Variants in VWA5B1 observed in about 807,000 individuals in gnomAD.
VWA5B1 encodes von Willebrand factor A domain-containing protein 5B1.
VWA5B1 carries 115 observed loss-of-function variants against 118.2 expected under a neutral mutation model. The ratio of observed to expected loss-of-function variants is 0.97; its 90% confidence interval spans 0.84 to 1.14. The LOEUF (loss-of-function observed/expected upper bound fraction) is 1.14, where lower values mean the gene tolerates loss of function less well. VWA5B1 is among the 50% of genes most tolerant of loss of function. The probability of loss-of-function intolerance (pLI) is 0.00; values close to 1 mark genes in which losing one functional copy is unlikely to be tolerated. For synonymous variants in VWA5B1, 682 were observed against 658.4 expected (o/e 1.04, Z -0.55); for missense variants, 1,596 against 1,603.8 (o/e 1.00, Z 0.08).
Position 20,323,544 on chromosome 1 carries a change from G to C in VWA5B1, c.1143+12G>C, listed in dbSNP as rs966552619. 3 of 1,401,494 alleles carry C rather than the reference G, an allele frequency of 2.1e-6. No individual in the cohort carries two copies. In the African/African-American group the frequency reaches 4.4e-5, roughly 21 times the overall value. The allele number at this position is 1,401,494 out of a possible 1,614,324, so 86.8% of individuals were successfully genotyped here. On this transcript the variant is annotated intron_variant, in intron 8 of 21. Transcript: ENST00000289815. ...TGCACCGAGTCAAGGTACCTGCTGA[G>C]AGAACCCCTCCCGAGGACCCGGGGC...
At chr1:20,333,095 T>C in intron 12 of VWA5B1, 144 bp downstream of exon 12, 3 of 1,071,118 alleles carry the variant, frequency 2.8e-6, no homozygotes, top group East Asian at 2.6e-5. Context: ...TTCCCAGTTG[T>C]GGGTTTACAG....
chr1:20,316,568 A>G (rs974433493), intron 4 of VWA5B1, among the ~76,000 whole-genome samples: 3 of 152,200 alleles, frequency 2.0e-5, no homozygotes, highest in Non-Finnish European at 4.4e-5. Context: ...GGAAGGACAT[A>G]GATTAAAGAC....
intron 1 of VWA5B1, among the ~76,000 whole-genome samples, chr1:20,298,826 C>G (rs978294908): frequency 6.6e-6 from 1 of 152,088 alleles, no homozygotes; most frequent in Non-Finnish European, 1.5e-5. Context: ...GCTGACAACC[C>G]TGTGTTGTAC....
Position 20,350,164 on chromosome 1 carries a change from G to A in VWA5B1, c.2887G>A (p.Ala963Thr). Residue 963 changes from alanine (A) to threonine (T), a missense_variant, in exon 19 of 22, where the codon GCA becomes ACA. Ala to Thr is a moderately conservative substitution (Grantham distance 58, BLOSUM62 0). Coordinates refer to ENST00000289815, the MANE Select transcript of VWA5B1 (RefSeq NM_001039500.3). ...EDSAPGNDME[A>T]SPTALFSEAR... is the part of the protein sequence containing the mutation. The stretch of plus-strand genomic sequence containing the variant: ...TGGCTCCTCTGTCCTAGACATGGAG[G>A]CAAGTCCCACTGCTCTCTTCAGCGA... 1 of 1,551,238 alleles carries A rather than the reference G, an allele frequency of 6.4e-7. No individual in the cohort carries two copies. The highest frequency in any genetic ancestry group is 8.7e-7 in the Non-Finnish European group (1 of 1,146,958).
intron 4 of VWA5B1, among the ~76,000 whole-genome samples, chr1:20,317,134 T>C (rs534508779): frequency 0.074 from 9,461 of 127,148 alleles, 348 homozygotes; most frequent in Middle Eastern, 0.11. Context: ...CCAGCCTGGG[T>C]GACTGAGCAA....
chr1:20,328,011 G>A lies in VWA5B1; in HGVS notation c.1254+11G>A, dbSNP rs1435668796. On this transcript the variant is annotated intron_variant, in intron 9 of 21. Transcript: ENST00000289815. ...CAGACCTACAGTGAGGTAATGAGGG[G>A]GCAAGGCTGGGACCAGGAGGGTGGT... The A allele has an allele frequency of 1.3e-6, 2 of 1,549,876 alleles. No individual in the cohort carries two copies.
chr1:20,350,198 C>T lies in VWA5B1; in HGVS notation c.2921C>T (p.Ser974Phe), dbSNP rs1411522159. Residue 974 changes from serine to phenylalanine, a missense_variant, in exon 19 of 22, where the codon TCC (serine) becomes TTC (phenylalanine). Ser to Phe is a radical substitution (Grantham distance 155). Coordinates refer to ENST00000289815, the MANE Select transcript of VWA5B1 (RefSeq NM_001039500.3). ...ACTGCTCTCTTCAGCGAGGCCAGGT[C>T]CCCCGGCCGCGAGAAGCACGGTGCT... ...SPTALFSEAR[S>F]PGREKHGASE... 1.3e-6 allele frequency: 2 copies of T among 1,551,126 alleles called. No homozygotes were observed. Among genetic ancestry groups the T allele is most frequent in the African/African-American group, 2.7e-5 (2 of 73,140 alleles).
chr1:20,347,143 T>C (rs2090024241), intron 17 of VWA5B1, among the ~76,000 whole-genome samples: 1 of 152,206 alleles, frequency 6.6e-6, no homozygotes, highest in African/African-American at 2.4e-5. Flanking sequence ...AGAGCTCTAG[T>C]CTCATGTCCT....
At chr1:20,348,854 T>G (rs1448150864) in intron 18 of VWA5B1, among the ~76,000 whole-genome samples, 1 of 152,240 alleles carries the variant, frequency 6.6e-6, no homozygotes, top group Non-Finnish European at 1.5e-5. Context: ...GAGCTGGGAT[T>G]TGACCTTTTT....
At chr1:20,303,208 C>T (rs1414859294) in intron 1 of VWA5B1, 4 of 152,148 alleles carry the variant, frequency 2.6e-5, no homozygotes, top group African/African-American at 9.7e-5. Context: ...GGCCCCTAGC[C>T]CCAGGTAAGA....
chr1:20,322,055 G>T (rs1473028620), intron 7 of VWA5B1, among the ~76,000 whole-genome samples: 3 of 152,238 alleles, frequency 2.0e-5, no homozygotes. Flanking sequence ...TCGAGAGAGA[G>T]AGACAGTCCT....
chr1:20,304,250 T>C (rs1012214879), intron 1 of VWA5B1, among the ~76,000 whole-genome samples: 2 of 152,102 alleles, frequency 1.3e-5, no homozygotes, highest in Non-Finnish European at 2.9e-5. Context: ...GAGGAGAGCG[T>C]GTCTGATGGA....
At chr1:20,316,037 G>C (rs1484424974) in intron 4 of VWA5B1, among the ~76,000 whole-genome samples, 1 of 139,270 alleles carries the variant, frequency 7.2e-6, no homozygotes, top group East Asian at 1.9e-4. Flanking sequence ...AGCAGGCAGA[G>C]TTAAGAGTGA....
chr1:20,337,571 C>T (rs2089752375), intron 13 of VWA5B1, 75 bp from the exon 14 acceptor site: 3 of 1,444,370 alleles, frequency 2.1e-6, no homozygotes, highest in Middle Eastern at 3.7e-4. Context: ...CACTTCCAAA[C>T]AGGAAAGGGG....
intron 1 of VWA5B1, among the ~76,000 whole-genome samples, chr1:20,293,821 G>C (rs753500202): frequency 3.3e-5 from 5 of 152,140 alleles, no homozygotes; most frequent in Non-Finnish European, 5.9e-5. Flanking sequence ...TGTGGGGCTA[G>C]GCAGGCTTCC....
intron 1 of VWA5B1, among the ~76,000 whole-genome samples, chr1:20,291,395 C>CTCTCTCTCT (rs2088301828): frequency 4.8e-5 from 7 of 144,864 alleles, no homozygotes; most frequent in East Asian, 2.1e-4. Context: ...CTTTCTGTCT[C>CTCTCTCTCT]CTCTATTTCT....
chr1:20,292,739 T>A (rs1377189159), intron 1 of VWA5B1, among the ~76,000 whole-genome samples: 1 of 152,190 alleles, frequency 6.6e-6, no homozygotes, highest in Non-Finnish European at 1.5e-5. Flanking sequence ...TATGTGGCTG[T>A]GGGGCCCTCA....
chr1:20,332,215 C>A (rs2089574564), intron 11 of VWA5B1, among the ~76,000 whole-genome samples: 2 of 152,120 alleles, frequency 1.3e-5, no homozygotes, highest in African/African-American at 2.4e-5. Context: ...TGCAGTGGCT[C>A]ACGCCTGTAA....
At chr1:20,295,151 T>C (rs961869642) in intron 1 of VWA5B1, among the ~76,000 whole-genome samples, 2 of 151,460 alleles carry the variant, frequency 1.3e-5, no homozygotes, top group African/African-American at 4.9e-5. Flanking sequence ...GCAGGATGAG[T>C]AGGTTTCAAA....
Sources: gnomAD v4.1 joint callset for allele counts (sites outside exome capture counted in the v4.1 genomes callset) on GRCh38, gnomAD v4.1.1 for gene constraint, MANE v1.5 for transcripts, NCBI Gene and HGNC (gene_info 2026-07-23, HGNC 2026-07-21) for gene names.